FSTL5: variants seen among roughly 807,000 people sequenced by gnomAD.
The protein encoded by FSTL5 is follistatin like 5, also known as follistatin-related protein 5.
A neutral mutation model predicts 89.1 loss-of-function variants in FSTL5; 62 were observed. That is an observed-to-expected ratio of 0.70 (90% CI 0.57 to 0.86). The LOEUF (loss-of-function observed/expected upper bound fraction) is 0.86, where lower values mean the gene tolerates loss of function less well. Ranked by LOEUF, FSTL5 falls within the 40% of genes least tolerant of loss-of-function variation. The pLI is 0.00. For synonymous variants in FSTL5, 383 were observed against 346.2 expected (o/e 1.11, Z -1.18); for missense variants, 1,057 against 1,001.6 (o/e 1.06, Z -0.75).
At chr4:162,095,828 G>A (rs189590050) in intron 2 of FSTL5, among the ~76,000 whole-genome samples, 105 of 151,906 alleles carry the variant, frequency 6.9e-4, no homozygotes, top group African/African-American at 2.1e-3. Context: ...ATATGCTTGC[G>A]GTAGAAATGT....
At chr4:161,415,687 G>A (rs1484575681) in intron 15 of FSTL5, among the ~76,000 whole-genome samples, 1 of 149,416 alleles carries the variant, frequency 6.7e-6, no homozygotes, top group Non-Finnish European at 1.5e-5. Flanking sequence ...GAGAAAGAGA[G>A]AGAAAGAGAG....
intron 8 of FSTL5, among the ~76,000 whole-genome samples, chr4:161,558,907 A>G (rs1191236807): frequency 2.6e-5 from 4 of 151,532 alleles, no homozygotes; most frequent in Non-Finnish European, 5.9e-5. Flanking sequence ...TTTGATCTCA[A>G]TTTTTCACAT....
chr4:161,995,141 G>T (rs1360718510), intron 3 of FSTL5, among the ~76,000 whole-genome samples: 1 of 152,104 alleles, frequency 6.6e-6, no homozygotes, highest in Non-Finnish European at 1.5e-5. Flanking sequence ...GGTGTACTCT[G>T]ATAGAATGCA....
intron 2 of FSTL5, among the ~76,000 whole-genome samples, chr4:162,089,022 A>G (rs983698467): frequency 2.0e-5 from 3 of 152,132 alleles, no homozygotes; most frequent in Non-Finnish European, 4.4e-5. Context: ...CCTCATGAAT[A>G]GATCAATGTT....
chr4:161,441,319 G>A (rs912245484), intron 15 of FSTL5, among the ~76,000 whole-genome samples: 7 of 150,368 alleles, frequency 4.7e-5, no homozygotes, highest in Non-Finnish European at 1.0e-4. Context: ...GACTTCTTGA[G>A]CTTTATAAAT....
intron 10 of FSTL5, among the ~76,000 whole-genome samples, chr4:161,518,388 G>A (rs1432401282): frequency 6.6e-6 from 1 of 152,188 alleles, no homozygotes. Context: ...GCACGATAGG[G>A]TGGTATAGTC....
At chr4:161,790,938 T>C (rs1434609) in intron 4 of FSTL5, among the ~76,000 whole-genome samples, 111,474 of 152,006 alleles carry the variant, frequency 0.73, 40,940 homozygotes, top group Non-Finnish European at 0.76. Flanking sequence ...AGTATTTGGG[T>C]TCATACTCAG....
intron 6 of FSTL5, among the ~76,000 whole-genome samples, chr4:161,703,868 G>C (rs1356099118): frequency 1.3e-5 from 2 of 151,968 alleles, no homozygotes; most frequent in Non-Finnish European, 2.9e-5. Context: ...TTTGAACATG[G>C]AAATGTAGTA....
chr4:161,875,410 A>T (rs1732410412), intron 4 of FSTL5, among the ~76,000 whole-genome samples: 2 of 152,110 alleles, frequency 1.3e-5, no homozygotes, highest in African/African-American at 4.8e-5. Context: ...ATGCTTGCAC[A>T]GGAGTGTGAC....
chr4:161,839,827 A>G (rs988436018), intron 4 of FSTL5, among the ~76,000 whole-genome samples: 1 of 152,176 alleles, frequency 6.6e-6, no homozygotes, highest in Non-Finnish European at 1.5e-5. Flanking sequence ...CAAAGGACTA[A>G]ACACTTAAAT....
intron 4 of FSTL5, among the ~76,000 whole-genome samples, chr4:161,809,487 C>G (rs749601741): frequency 1.3e-5 from 2 of 152,162 alleles, no homozygotes; most frequent in Non-Finnish European, 2.9e-5. Context: ...TCCGGTCATA[C>G]AGTATTTCCA....
intron 11 of FSTL5, among the ~76,000 whole-genome samples, chr4:161,505,058 A>G (rs1483027231): frequency 6.6e-6 from 1 of 152,072 alleles, no homozygotes; most frequent in Non-Finnish European, 1.5e-5. Context: ...AGGTATTTCA[A>G]TAAATTACGG....
At chr4:162,151,834 C>T (rs938758330) in intron 1 of FSTL5, among the ~76,000 whole-genome samples, 5 of 152,122 alleles carry the variant, frequency 3.3e-5, no homozygotes, top group African/African-American at 1.2e-4. Context: ...TTTAAAAATA[C>T]CTTTATTTGC....
At chr4:161,443,844 C>A (rs775504354) in intron 15 of FSTL5, among the ~76,000 whole-genome samples, 2 of 151,986 alleles carry the variant, frequency 1.3e-5, no homozygotes, top group Middle Eastern at 3.4e-3. Context: ...ATAGGGGCTA[C>A]TCAGGTTCTT....
chr4:161,470,095 T>A (rs4691766), intron 13 of FSTL5, among the ~76,000 whole-genome samples: 33,950 of 151,898 alleles, frequency 0.22, 4,395 homozygotes, highest in East Asian at 0.41. Flanking sequence ...AATAATTTTT[T>A]AAAAAAATTA....
chr4:161,998,041 AAT>A (rs1376424277), intron 3 of FSTL5, among the ~76,000 whole-genome samples: 1 of 152,170 alleles, frequency 6.6e-6, no homozygotes, highest in East Asian at 1.9e-4. Flanking sequence ...GAATACAAGA[AAT>A]AGAGTTGTAT....
At chr4:161,754,692 C>T (rs934807074) in intron 6 of FSTL5, among the ~76,000 whole-genome samples, 1 of 152,056 alleles carries the variant, frequency 6.6e-6, no homozygotes, top group Non-Finnish European at 1.5e-5. Flanking sequence ...TATAACATCA[C>T]TTCATCATTT....
At chr4:161,854,472 G>A (rs1339130567) in intron 4 of FSTL5, among the ~76,000 whole-genome samples, 1 of 152,078 alleles carries the variant, frequency 6.6e-6, no homozygotes, top group Non-Finnish European at 1.5e-5. Context: ...CACATTCATT[G>A]GAACAATTAC....
At chr4:161,789,796 T>C (rs1729396996) in intron 4 of FSTL5, among the ~76,000 whole-genome samples, 2 of 152,194 alleles carry the variant, frequency 1.3e-5, no homozygotes, top group Admixed American at 6.5e-5. Context: ...TATTATATGA[T>C]ATATAGGTAA....
Sources: allele counts gnomAD v4.1 joint callset (sites outside exome capture counted in the v4.1 genomes callset), GRCh38; gene constraint gnomAD v4.1.1; transcripts MANE v1.5; gene names NCBI Gene and HGNC (gene_info 2026-07-23, HGNC 2026-07-21).